The following MAPK10 variants were observed in gnomAD, a reference collection of about 807,000 sequenced individuals.
MAPK10 encodes JNK3 alpha protein kinase.
MAPK10 carries 25 observed loss-of-function variants against 59.3 expected under a neutral mutation model. The ratio of observed to expected loss-of-function variants is 0.42; its 90% CI spans 0.31 to 0.59. MAPK10 has a LOEUF of 0.59. Ranked by LOEUF, MAPK10 falls within the 20% of genes least tolerant of loss-of-function variation. The pLI is 0.15. For synonymous variants in MAPK10, 190 were observed against 200.5 expected (o/e 0.95, Z 0.44); for missense variants, 351 against 568.9 (o/e 0.62, Z 3.90).
intron 1 of MAPK10, among the ~76,000 whole-genome samples, chr4:86,529,190 G>C (rs879615646): frequency 5.9e-5 from 9 of 152,250 alleles, no homozygotes; most frequent in Non-Finnish European, 1.2e-4. Flanking sequence ...AGGACCAGAG[G>C]TGGCTCTAAG....
At chr4:86,583,169 T>A (rs2149113511) in intron 1 of MAPK10, among the ~76,000 whole-genome samples, 1 of 152,160 alleles carries the variant, frequency 6.6e-6, no homozygotes, top group Admixed American at 6.6e-5. Flanking sequence ...CTAAGTAAAC[T>A]AACATATATT....
At chr4:86,400,010 C>A (rs151202661) in intron 1 of MAPK10, among the ~76,000 whole-genome samples, 22 of 152,246 alleles carry the variant, frequency 1.4e-4, no homozygotes, top group Non-Finnish European at 1.5e-4. Flanking sequence ...AAACATGATG[C>A]CGCTGAAGCT....
chr4:86,266,696 T>A (rs2094251110), intron 2 of MAPK10, among the ~76,000 whole-genome samples: 1 of 152,154 alleles, frequency 6.6e-6, no homozygotes, highest in African/African-American at 2.4e-5. Context: ...GAATCATAAA[T>A]GAACCAGAAT....
intron 1 of MAPK10, among the ~76,000 whole-genome samples, chr4:86,462,649 T>C (rs928580820): frequency 3.9e-5 from 6 of 152,190 alleles, no homozygotes; most frequent in African/African-American, 1.2e-4. Context: ...AAAGTAGTTA[T>C]ATTTTGCACT....
intron 4 of MAPK10, among the ~76,000 whole-genome samples, chr4:86,108,991 C>T (rs1279144481): frequency 1.3e-5 from 2 of 152,110 alleles, no homozygotes; most frequent in Non-Finnish European, 2.9e-5. Context: ...GGTCAGTTTC[C>T]TCTGAATAAA....
At chr4:86,398,950 T>A (rs1315472753) in intron 1 of MAPK10, among the ~76,000 whole-genome samples, 1 of 152,250 alleles carries the variant, frequency 6.6e-6, no homozygotes, top group Admixed American at 6.5e-5. Flanking sequence ...TTCTTTTTTA[T>A]GGCTACATAG....
rs571621016 is a variant in MAPK10 at position 86,072,039 on chromosome 4, C to A, written c.803-4084G>T. On this transcript the variant is annotated intron_variant, in intron 9 of 13. Coordinates refer to ENST00000641462, the MANE Select transcript of MAPK10 (RefSeq NM_138982.4). Reference sequence around the variant, plus strand: ...CTACCCATGAGCATGGAATGTTCTTCCATTTGTTTGTATCCTCTTTTATTT... The same window carrying A: ...CTACCCATGAGCATGGAATGTTCTTACATTTGTTTGTATCCTCTTTTATTT... 4.8e-3 allele frequency among the ~76,000 whole-genome samples: 685 copies of A among 144,090 alleles called. 12 individuals carry two copies. In the East Asian group the frequency reaches 0.058, roughly 12 times the overall value. The allele number at this position is 144,090 out of a possible 152,430, so 94.5% of individuals were successfully genotyped here. A position where few individuals can be genotyped will look rare whatever the true frequency, so the allele number is the denominator to read the frequency against.
At chr4:86,137,322 A>G (rs982257349) in intron 4 of MAPK10, among the ~76,000 whole-genome samples, 1 of 150,526 alleles carries the variant, frequency 6.6e-6, no homozygotes, top group Non-Finnish European at 1.5e-5. Context: ...AACAGAAATT[A>G]TAACAAACTA....
chr4:86,385,222 C>G (rs957027100), intron 1 of MAPK10, among the ~76,000 whole-genome samples: 2 of 151,928 alleles, frequency 1.3e-5, no homozygotes, highest in Non-Finnish European at 2.9e-5. Flanking sequence ...AATTTATTGA[C>G]TAGCTACTGG....
rs1344907948 is a variant in MAPK10 at position 86,546,722 on chromosome 4, G to A, written c.-263+47188C>T. 7.2e-5 allele frequency among the ~76,000 whole-genome samples: 11 copies of A among 152,284 alleles called. No homozygotes were observed. In the East Asian group the frequency reaches 2.1e-3, roughly 29 times the overall value. ...CAGATTTGAATGGGTTCCATGCAGT[G>A]CTTGGAGGGGAAAATCCCAGATGTA... On this transcript the variant is annotated intron_variant, in intron 1 of 4. Coordinates refer to the MAPK10 transcript ENST00000502302.
At chr4:86,579,169 C>T (rs1311400693) in intron 1 of MAPK10, among the ~76,000 whole-genome samples, 1 of 152,272 alleles carries the variant, frequency 6.6e-6, no homozygotes, top group East Asian at 1.9e-4. Context: ...GTTACTACTA[C>T]AGCAGTACAT....
chr4:86,149,204 C>T (rs1265339687), intron 4 of MAPK10, among the ~76,000 whole-genome samples: 2 of 152,132 alleles, frequency 1.3e-5, no homozygotes, highest in Non-Finnish European at 2.9e-5. Flanking sequence ...TTTCTGACTC[C>T]TTTTGCTCTG....
chr4:86,391,376 G>T (rs1742154357), intron 1 of MAPK10, among the ~76,000 whole-genome samples: 2 of 152,116 alleles, frequency 1.3e-5, no homozygotes, highest in African/African-American at 4.8e-5. Context: ...TTACCTTGTG[G>T]TCATACAAGT....
chr4:86,180,543 T>C (rs2076701811), intron 3 of MAPK10, among the ~76,000 whole-genome samples: 2 of 150,420 alleles, frequency 1.3e-5, no homozygotes, highest in Admixed American at 6.6e-5. Flanking sequence ...AAGAGATATC[T>C]GCACCCCCAT....
chr4:86,368,035 A>T (rs1463041922), intron 1 of MAPK10, among the ~76,000 whole-genome samples: 1 of 152,194 alleles, frequency 6.6e-6, no homozygotes, highest in Non-Finnish European at 1.5e-5. Context: ...ATCTTTTATC[A>T]TGCTGTTGGA....
At chr4:86,435,985 C>T (rs1748671008) in intron 1 of MAPK10, among the ~76,000 whole-genome samples, 2 of 151,938 alleles carry the variant, frequency 1.3e-5, no homozygotes, top group African/African-American at 2.4e-5. Context: ...CAAACATTTG[C>T]CCAAAAAAAG....
At chr4:86,200,092 G>A (rs1206405093) in intron 2 of MAPK10, among the ~76,000 whole-genome samples, 4 of 152,098 alleles carry the variant, frequency 2.6e-5, no homozygotes, top group South Asian at 2.1e-4. Context: ...AACCTGTGAT[G>A]TTATTTTATT....
chr4:86,403,362 A>C (rs1303447750), intron 1 of MAPK10, among the ~76,000 whole-genome samples: 3 of 152,070 alleles, frequency 2.0e-5, no homozygotes, highest in Non-Finnish European at 4.4e-5. Context: ...TAAAAATACA[A>C]AAAATTAGCT....
chr4:86,040,812 G>A (rs941983850), intron 11 of MAPK10: 1 of 151,988 alleles, frequency 6.6e-6, no homozygotes, highest in Non-Finnish European at 1.5e-5. Context: ...AGGAGTGTAT[G>A]GGACAACATA....
Sources: allele counts gnomAD v4.1 joint callset (sites outside exome capture counted in the v4.1 genomes callset), GRCh38; gene constraint gnomAD v4.1.1; transcripts MANE v1.5; gene names NCBI Gene and HGNC (gene_info 2026-07-23, HGNC 2026-07-21).